FOXP2: variants seen among roughly 807,000 people sequenced by gnomAD.
FOXP2 encodes the protein forkhead box P2, also known as forkhead box protein P2.
A neutral mutation model predicts 115.8 loss-of-function variants in FOXP2; 12 were observed. That is an observed-to-expected ratio of 0.10 (90% confidence interval 0.07 to 0.17). FOXP2 has a LOEUF of 0.17. FOXP2 is among the 10% of genes least tolerant of loss of function. FOXP2 has a pLI of 1.00. For missense variants in FOXP2, 629 were observed against 843.5 expected (o/e 0.75, Z 3.15); for synonymous variants, 328 against 297.7 (o/e 1.10, Z -1.05).
At chr7:114,681,549 G>A (rs1808081674) in intron 16 of FOXP2, among the ~76,000 whole-genome samples, 2 of 152,300 alleles carry the variant, frequency 1.3e-5, no homozygotes, top group South Asian at 2.1e-4. Flanking sequence ...TGTGATGGAT[G>A]ACTGAGGAGA....
At chr7:114,575,907 C>T (rs1481912642) in intron 3 of FOXP2, among the ~76,000 whole-genome samples, 1 of 151,708 alleles carries the variant, frequency 6.6e-6, no homozygotes, top group Admixed American at 6.6e-5. Flanking sequence ...TCACAGTACC[C>T]TTTTTATAAA....
At chr7:114,638,055 G>A (rs986620280) in intron 6 of FOXP2, among the ~76,000 whole-genome samples, 4 of 152,040 alleles carry the variant, frequency 2.6e-5, no homozygotes, top group African/African-American at 9.7e-5. Flanking sequence ...GTTGAGGGAG[G>A]GGGCTGTATA....
chr7:114,316,799 A>G (rs1244373327), intron 2 of FOXP2, among the ~76,000 whole-genome samples: 1 of 152,204 alleles, frequency 6.6e-6, no homozygotes, highest in Non-Finnish European at 1.5e-5. Context: ...ACATAAGCCC[A>G]TGATACCCAA....
intron 1 of FOXP2, 33 bp from the exon 2 acceptor site, chr7:114,426,469 G>A (rs1012872786): frequency 5.0e-6 from 8 of 1,595,644 alleles, no homozygotes; most frequent in African/African-American, 2.7e-5. Context: ...AAGGTGTAAC[G>A]TGTGTTAATT....
At chr7:114,256,252 G>A (rs557883096) in intron 1 of FOXP2, among the ~76,000 whole-genome samples, 4 of 152,112 alleles carry the variant, frequency 2.6e-5, no homozygotes, top group East Asian at 1.9e-4. Context: ...ACAGGCATGT[G>A]CCACCATGCC....
chr7:114,193,865 C>T (rs186816458), intron 1 of FOXP2, among the ~76,000 whole-genome samples: 42 of 152,170 alleles, frequency 2.8e-4, no homozygotes, highest in Non-Finnish European at 3.8e-4. Context: ...AAAGTCACAA[C>T]ATTTAGTTAG....
intron 3 of FOXP2, among the ~76,000 whole-genome samples, chr7:114,626,551 CTG>C (rs1554433722): frequency 6.2e-4 from 91 of 147,038 alleles, no homozygotes; most frequent in Non-Finnish European, 9.3e-4. Context: ...CTCTCTCTCT[CTG>C]TCTCTCTCTC....
intron 1 of FOXP2, among the ~76,000 whole-genome samples, chr7:114,246,690 C>T (rs928270527): frequency 6.6e-6 from 1 of 152,020 alleles, no homozygotes; most frequent in Admixed American, 6.6e-5. Flanking sequence ...GGATTCAGGT[C>T]ACACAACTAA....
intron 8 of FOXP2, chr7:114,645,133 TA>T: frequency 8.7e-5 from 1 of 11,434 alleles, no homozygotes; most frequent in Non-Finnish European, 1.6e-4. Flanking sequence ...CATCCTAATA[TA>T]TATATATATA....
chr7:114,118,320 G>A (rs939821304), intron 1 of FOXP2, among the ~76,000 whole-genome samples: 25 of 152,070 alleles, frequency 1.6e-4, no homozygotes, highest in African/African-American at 6.0e-4. Flanking sequence ...CTTCATTAGA[G>A]CATGATTTTC....
chr7:114,526,673 A>G (rs1487370100), intron 2 of FOXP2, among the ~76,000 whole-genome samples: 3 of 152,154 alleles, frequency 2.0e-5, no homozygotes. Context: ...GATAGGTCAC[A>G]TACAAATCAG....
At chr7:114,136,034 C>T (rs1792029446) in intron 1 of FOXP2, among the ~76,000 whole-genome samples, 1 of 151,972 alleles carries the variant, frequency 6.6e-6, no homozygotes, top group Admixed American at 6.6e-5. Flanking sequence ...ACAAGATACA[C>T]CTATCAGTGA....
At chr7:114,608,920 T>G (rs1185268728) in intron 3 of FOXP2, among the ~76,000 whole-genome samples, 8 of 152,014 alleles carry the variant, frequency 5.3e-5, no homozygotes, top group African/African-American at 1.7e-4. Flanking sequence ...AACCTTCAGC[T>G]GGGTGCGGTG....
At chr7:114,173,523 A>G (rs199914907) in intron 1 of FOXP2, among the ~76,000 whole-genome samples, 1 of 151,948 alleles carries the variant, frequency 6.6e-6, no homozygotes, top group East Asian at 1.9e-4. Context: ...AAATATAAAA[A>G]ATCTCCCTTT....
intron 2 of FOXP2, among the ~76,000 whole-genome samples, chr7:114,377,093 A>C (rs1234735853): frequency 6.6e-6 from 1 of 152,158 alleles, no homozygotes; most frequent in Non-Finnish European, 1.5e-5. Context: ...ATTATTATTA[A>C]TGGAGGAAGG....
intron 1 of FOXP2, among the ~76,000 whole-genome samples, chr7:114,103,796 G>C (rs1791046311): frequency 6.6e-6 from 1 of 151,922 alleles, no homozygotes; most frequent in Admixed American, 6.6e-5. Flanking sequence ...CTTGGGAATT[G>C]TTATCTATTT....
intron 3 of FOXP2, among the ~76,000 whole-genome samples, chr7:114,620,123 A>G (rs1804166183): frequency 1.3e-5 from 2 of 151,982 alleles, no homozygotes; most frequent in South Asian, 2.1e-4. Context: ...GAAACAAACC[A>G]TTTCTCAAGC....
At chr7:114,413,402 A>AT (rs1426219466), upstream of FOXP2, among the ~76,000 whole-genome samples, 4 of 148,586 alleles carry the variant, frequency 2.7e-5, no homozygotes, top group African/African-American at 7.6e-5. Flanking sequence ...TCACAATCTG[A>AT]TAAAAAAATG....
chr7:114,440,448 C>G (rs777894720), intron 2 of FOXP2, among the ~76,000 whole-genome samples: 3 of 152,058 alleles, frequency 2.0e-5, no homozygotes, highest in Non-Finnish European at 4.4e-5. Context: ...CTATTTTTCA[C>G]CTCATATTAT....
Sources: allele counts gnomAD v4.1 joint callset (sites outside exome capture counted in the v4.1 genomes callset), GRCh38; gene constraint gnomAD v4.1.1; transcripts MANE v1.5; gene names NCBI Gene and HGNC (gene_info 2026-07-23, HGNC 2026-07-21).